Variants in EDF1 observed in about 807,000 individuals in gnomAD.
EDF1 encodes endothelial differentiation-related factor 1.
EDF1 carries 5 observed loss-of-function variants against 20.8 expected under a neutral mutation model. The observed-to-expected ratio is 0.24, with a 90% CI of 0.13 to 0.51. The LOEUF (loss-of-function observed/expected upper bound fraction) is 0.51. Ranked by LOEUF, EDF1 falls within the 20% of genes least tolerant of loss-of-function variation. The probability of loss-of-function intolerance (pLI) is 0.97; values close to 1 mark genes in which losing one functional copy is unlikely to be tolerated. For missense variants in EDF1, 137 were observed against 197.8 expected (o/e 0.69, Z 1.84); for synonymous variants, 96 against 78.5 (o/e 1.22, Z -1.18).
rs994421916 is a variant in EDF1 at position 136,862,915 on chromosome 9, G to A, written c.376C>T (p.Arg126Trp). Residue 126 changes from arginine to tryptophan, a missense_variant, in exon 4 of 5, where the codon CGG becomes TGG. By Grantham distance (101) the Arg-to-Trp change is moderately radical. Transcript: ENST00000224073. The surrounding 1 kb of genome is among the most constrained non-coding windows in gnomAD (Gnocchi z 4.1). Reference protein sequence around the residue: ...PNNQVLGKIERAIGLKLRGKD... With the variant: ...PNNQVLGKIEWAIGLKLRGKD... ...GTGGAGGGACACTCACCAATGGCCC[G>A]CTCGATTTTGCCAAGCACCTGGTTA... 6.2e-6 allele frequency: 10 copies of A among 1,613,660 alleles called. No homozygotes were observed. The highest frequency in any genetic ancestry group is 1.1e-5 in the South Asian group (1 of 91,060).
At chr9:136,865,243 C>T (rs1164143527) in intron 1 of EDF1, among the ~76,000 whole-genome samples, 1 of 152,096 alleles carries the variant, frequency 6.6e-6, no homozygotes, top group Non-Finnish European at 1.5e-5. Flanking sequence ...AACTGACCCT[C>T]GGATCCATCA....
In EDF1 at chr9:136,862,396, C is replaced by T. The variant is rs756005713; in HGVS notation, c.386-51G>A. ...ACTGCAGCACCAGCTCCCTCCTCCCCCCAACGCTGCCCCTCTTCAACATCT... is the reference window on the plus strand; with the variant it reads ...ACTGCAGCACCAGCTCCCTCCTCCCTCCAACGCTGCCCCTCTTCAACATCT... On this transcript the variant is annotated intron_variant, in intron 4 of 4. Transcript: ENST00000224073. The surrounding 1 kb of genome is among the most constrained non-coding windows in gnomAD (Gnocchi z 4.1). 6.2e-7 allele frequency: 1 copy of T among 1,613,966 alleles called. No homozygotes were observed.
rs1310339050 is a variant in EDF1 at position 136,863,289 on chromosome 9, G to A, written c.290C>T (p.Thr97Met). The A allele has an allele frequency of 1.2e-6, 2 of 1,611,524 alleles. No individual in the cohort carries two copies. Among genetic ancestry groups the A allele is most frequent in the Admixed American group, 1.7e-5 (1 of 60,000 alleles). Residue 97 changes from threonine to methionine, a missense_variant and splice_region_variant, in exon 3 of 5, where the codon ACG (threonine) becomes ATG (methionine). Thr to Met is a moderately conservative substitution (Grantham distance 81). Transcript: ENST00000224073. This position sits in a 1 kb window ranked among gnomAD's most constrained non-coding sequence, Gnocchi z 4.5. ...SKGLTQKDLA[T>M]KINEKPQVIA... ...GTGAGAGCCCCGGCGCAGCCTCACC[G>A]TGGCCAGGTCCTTCTGCGTAAGCCC...
chr9:136,864,272 A>AG (rs1849170832), intron 1 of EDF1, among the ~76,000 whole-genome samples: 1 of 135,010 alleles, frequency 7.4e-6, no homozygotes, highest in Non-Finnish European at 1.6e-5. Context: ...CACACTAGGG[A>AG]TTTTTTTTTT....
Position 136,863,540 on chromosome 9 carries a change from G to T in EDF1, c.131-92C>A. 6.8e-7 allele frequency: 1 copy of T among 1,477,168 alleles called. No homozygotes were observed. The highest frequency in any genetic ancestry group is 9.1e-7 in the Non-Finnish European group (1 of 1,102,410). 91.5% of individuals were successfully genotyped at this position (1,477,168 alleles called of 1,614,324 possible). ...AAGCGGTAACCAGACCCCAGAGGCT[G>T]CCTGAACTCAAGGGGACATGGGAAC... On this transcript the variant is annotated intron_variant, in intron 2 of 4. Transcript: ENST00000224073. The surrounding 1 kb of genome is among the most constrained non-coding windows in gnomAD (Gnocchi z 4.5).
Position 136,863,640 on chromosome 9 carries a change from T to C in EDF1, c.130+180A>G, listed in dbSNP as rs1459044740. Among the ~76,000 whole-genome samples the C allele has an allele frequency of 6.6e-6, 1 of 152,154 alleles. No homozygotes were observed. Among genetic ancestry groups the C allele is most frequent in the Non-Finnish European group, 1.5e-5 (1 of 68,030 alleles). ...TCTCTCAGTTATGAGGACAGGCAGC[T>C]GTACTCATGCCAACCAGAGCTGCTC... On this transcript the variant is annotated intron_variant, in intron 2 of 4. Coordinates refer to ENST00000224073, the MANE Select transcript of EDF1 (RefSeq NM_003792.4). The surrounding 1 kb of genome is among the most constrained non-coding windows in gnomAD (Gnocchi z 4.5).
chr9:136,863,160 G>C lies in EDF1; in HGVS notation c.291+128C>G. On this transcript the variant is annotated intron_variant, in intron 3 of 4. Transcript: ENST00000224073. The surrounding 1 kb of genome is among the most constrained non-coding windows in gnomAD (Gnocchi z 4.5). ...AGGCAGTGAGAGCCGGGCTGACCTGGCTTCCCGAGGCATTCCCTGCAGGGG... is the reference window on the plus strand; with the variant it reads ...AGGCAGTGAGAGCCGGGCTGACCTGCCTTCCCGAGGCATTCCCTGCAGGGG... The C allele has an allele frequency of 2.0e-6, 3 of 1,520,970 alleles. No homozygotes were observed. Among genetic ancestry groups the C allele is most frequent in the Middle Eastern group, 2.4e-4 (1 of 4,186 alleles). The allele number at this position is 1,520,970 out of a possible 1,614,324, so 94.2% of individuals were successfully genotyped here.
In EDF1 at chr9:136,862,728, T is replaced by G. The variant is rs1209596453; in HGVS notation, c.385+178A>C. On this transcript the variant is annotated intron_variant, in intron 4 of 4. Coordinates refer to ENST00000224073, the MANE Select transcript of EDF1 (RefSeq NM_003792.4). This position sits in a 1 kb window ranked among gnomAD's most constrained non-coding sequence, Gnocchi z 4.1. ...TTGCTCTTAGGGGTTTCCTGAGGCC[T>G]GCAGAGACCCCACCATCCCTCAGTC... is the stretch of plus-strand genomic sequence containing the variant. 4 of 1,546,158 alleles carry G rather than the reference T, an allele frequency of 2.6e-6. No individual in the cohort carries two copies. Among genetic ancestry groups the G allele is most frequent in the Non-Finnish European group, 3.5e-6 (4 of 1,153,026 alleles).
In EDF1 at chr9:136,863,751, C is replaced by T. The variant is rs1213092373; in HGVS notation, c.130+69G>A. Reference sequence around the variant, plus strand: ...ACAACGTCCCCGGGGGCGCCGCACACACCACACCCACCAGCACATGGACCC... The same window carrying T: ...ACAACGTCCCCGGGGGCGCCGCACATACCACACCCACCAGCACATGGACCC... On this transcript the variant is annotated intron_variant, in intron 2 of 4. Transcript: ENST00000224073. The surrounding 1 kb of genome is among the most constrained non-coding windows in gnomAD (Gnocchi z 4.5). 2 of 1,589,330 alleles carry T rather than the reference C, an allele frequency of 1.3e-6. No individual in the cohort carries two copies. Among genetic ancestry groups the T allele is most frequent in the South Asian group, 1.1e-5 (1 of 90,470 alleles).
In EDF1 at chr9:136,862,807, G is replaced by A. The variant is rs1191439355; in HGVS notation, c.385+99C>T. The A allele has an allele frequency of 3.7e-6, 6 of 1,610,040 alleles. No individual in the cohort carries two copies. The East Asian group carries it at 1.1e-4, about 30-fold the overall frequency. On this transcript the variant is annotated intron_variant, in intron 4 of 4. Transcript: ENST00000224073. The surrounding 1 kb of genome is among the most constrained non-coding windows in gnomAD (Gnocchi z 4.1). ...AATTCAGAGAACAGGGGACCCCCAG[G>A]GCCATCTTCTTCCCCCGAGTCCCAC...
rs950406513 is a variant in EDF1 at position 136,862,744 on chromosome 9, T to C, written c.385+162A>G. ...CCTGAGGCCTGCAGAGACCCCACCA[T>C]CCCTCAGTCTGTACTACCTGGAGAA... On this transcript the variant is annotated intron_variant, in intron 4 of 4. Coordinates refer to ENST00000224073, the MANE Select transcript of EDF1 (RefSeq NM_003792.4). This position sits in a 1 kb window ranked among gnomAD's most constrained non-coding sequence, Gnocchi z 4.1. 7 of 1,565,396 alleles carry C rather than the reference T, an allele frequency of 4.5e-6. No individual in the cohort carries two copies. The Admixed American group carries it at 1.2e-4, about 28-fold the overall frequency.
At chr9:136,866,012 C>T (rs1351804964) in intron 1 of EDF1, among the ~76,000 whole-genome samples, 169 bp downstream of exon 1, 1 of 148,882 alleles carries the variant, frequency 6.7e-6, no homozygotes. Context: ...CTGCGATTCG[C>T]CCCGCCCTTC....
Position 136,862,622 on chromosome 9 carries a change from C to T in EDF1, c.386-277G>A. 3 of 1,518,220 alleles carry T rather than the reference C, an allele frequency of 2.0e-6. No homozygotes were observed. The highest frequency in any genetic ancestry group is 2.6e-6 in the Non-Finnish European group (3 of 1,138,704). 94.0% of individuals were successfully genotyped at this position (1,518,220 alleles called of 1,614,324 possible). ...GGCCCCATGCTGACAGGGCCCGGAC[C>T]CGCTGTGCTCAGGCTCAGAGAACCA... is the stretch of plus-strand genomic sequence containing the variant. On this transcript the variant is annotated intron_variant, in intron 4 of 4. Transcript: ENST00000224073. This position sits in a 1 kb window ranked among gnomAD's most constrained non-coding sequence, Gnocchi z 4.1.
rs770112986 is a variant in EDF1 at position 136,862,824 on chromosome 9, G to A, written c.385+82C>T. 15 of 1,610,898 alleles carry A rather than the reference G, an allele frequency of 9.3e-6. No homozygotes were observed. Among genetic ancestry groups the A allele is most frequent in the South Asian group, 5.5e-5 (5 of 90,988 alleles). On this transcript the variant is annotated intron_variant, in intron 4 of 4. Transcript: ENST00000224073. The surrounding 1 kb of genome is among the most constrained non-coding windows in gnomAD (Gnocchi z 4.1). The stretch of plus-strand genomic sequence containing the variant: ...ACCCCCAGGGCCATCTTCTTCCCCC[G>A]AGTCCCACTCTCACCAACCCCAGCT...
At chr9:136,865,877 G>T (rs1057333126) in intron 1 of EDF1, among the ~76,000 whole-genome samples, 2 of 114,098 alleles carry the variant, frequency 1.8e-5, no homozygotes, top group African/African-American at 3.4e-5. Flanking sequence ...CCTGCCCCTT[G>T]CCCCGTCCGG....
In EDF1 at chr9:136,862,618, G is replaced by C; in HGVS notation, c.386-273C>G. The C allele has an allele frequency of 1.3e-6, 2 of 1,523,966 alleles. No homozygotes were observed. The highest frequency in any genetic ancestry group is 1.8e-6 in the Non-Finnish European group (2 of 1,141,748). The allele number at this position is 1,523,966 out of a possible 1,614,324, so 94.4% of individuals were successfully genotyped here. A position where few individuals can be genotyped will look rare whatever the true frequency, so the allele number is the denominator to read the frequency against. ...TTCCGGCCCCATGCTGACAGGGCCC[G>C]GACCCGCTGTGCTCAGGCTCAGAGA... On this transcript the variant is annotated intron_variant, in intron 4 of 4. Transcript: ENST00000224073. The surrounding 1 kb of genome is among the most constrained non-coding windows in gnomAD (Gnocchi z 4.1).
In EDF1 at chr9:136,863,519, G is replaced by T. The variant is rs533083794; in HGVS notation, c.131-71C>A. On this transcript the variant is annotated intron_variant, in intron 2 of 4. Transcript: ENST00000224073. This position sits in a 1 kb window ranked among gnomAD's most constrained non-coding sequence, Gnocchi z 4.5. ...ACCTGAAGAAAAACCATTTCAAAGCGGTAACCAGACCCCAGAGGCTGCCTG... is the reference window on the plus strand; with the variant it reads ...ACCTGAAGAAAAACCATTTCAAAGCTGTAACCAGACCCCAGAGGCTGCCTG... The T allele has an allele frequency of 7.2e-6, 11 of 1,537,618 alleles. 1 individual carries two copies. The Admixed American group carries it at 2.1e-4, about 29-fold the overall frequency.
At chr9:136,866,055 G>A (rs1849218768) in intron 1 of EDF1, 126 bp downstream of exon 1, 1 of 836,658 alleles carries the variant, frequency 1.2e-6, no homozygotes, top group South Asian at 2.1e-5. Flanking sequence ...CCCCAGCCTT[G>A]TCCCCGTCCC....
chr9:136,862,682 G>C lies in EDF1; in HGVS notation c.385+224C>G, dbSNP rs2131245804. On this transcript the variant is annotated intron_variant, in intron 4 of 4. Coordinates refer to ENST00000224073, the MANE Select transcript of EDF1 (RefSeq NM_003792.4). The surrounding 1 kb of genome is among the most constrained non-coding windows in gnomAD (Gnocchi z 4.1). ...GCACAGGCTGACGGGAACTGGCAAG[G>C]GGAAGGGACTCGGACTCCACTTGCT... is the stretch of plus-strand genomic sequence containing the variant. 6.7e-7 allele frequency: 1 copy of C among 1,492,474 alleles called. No homozygotes were observed. Among genetic ancestry groups the C allele is most frequent in the East Asian group, 2.4e-5 (1 of 41,132 alleles). The allele number at this position is 1,492,474 out of a possible 1,614,324, so 92.5% of individuals were successfully genotyped here.
Sources: gnomAD v4.1 joint callset for allele counts (sites outside exome capture counted in the v4.1 genomes callset) on GRCh38, gnomAD v4.1.1 for gene constraint, Gnocchi (gnomAD v3.1) non-coding constraint, MANE v1.5 for transcripts, NCBI Gene and HGNC (gene_info 2026-07-23, HGNC 2026-07-21) for gene names.